ZNF514: variants seen among roughly 807,000 people sequenced by gnomAD.
ZNF514 encodes zinc finger protein 514.
Under a neutral mutation model 9.7 loss-of-function variants are expected in ZNF514, and 12 were observed. That is an observed-to-expected ratio of 1.24 (90% confidence interval 0.79 to 2.01). The LOEUF is 2.01. ZNF514 is among the 30% of genes most tolerant of loss of function. The probability of loss-of-function intolerance (pLI) is 0.00; values close to 1 mark genes in which losing one functional copy is unlikely to be tolerated. For missense variants in ZNF514, 467 were observed against 465.5 expected (o/e 1.00, Z -0.03); for synonymous variants, 158 against 163.7 (o/e 0.97, Z 0.27).
chr2:95,155,302 G>C (rs553683887), intron 2 of ZNF514: 1 of 152,386 alleles, frequency 6.6e-6, no homozygotes, highest in African/African-American at 2.4e-5. Context: ...GCTCCACCCA[G>C]GGAGCAGAAC....
At chr2:95,134,029 A>C in the ZNF514 span, among the ~76,000 whole-genome samples, 2 of 152,206 alleles carry the variant, frequency 1.3e-5, no homozygotes, top group African/African-American at 2.4e-5. Flanking sequence ...TAAAAATTTT[A>C]ATGTAACAAG....
the ZNF514 span, among the ~76,000 whole-genome samples, chr2:95,131,682 C>T: frequency 3.9e-5 from 6 of 152,162 alleles, no homozygotes; most frequent in African/African-American, 1.4e-4. Context: ...GAGGCCAAAG[C>T]AATTCAGTGA....
In ZNF514 at chr2:95,150,055, C is replaced by G. The variant is rs1673491308; in HGVS notation, c.430G>C (p.Ala144Pro). 1 of 1,613,914 alleles carries G rather than the reference C, an allele frequency of 6.2e-7. No homozygotes were observed. The highest frequency in any genetic ancestry group is 2.2e-5 in the East Asian group (1 of 44,902). The change falls in exon 5 of 5, where the codon GCC becomes CCC. Residue 144 changes from alanine (A) to proline (P), a missense_variant. By Grantham distance (27) the Ala-to-Pro change is conservative. Coordinates refer to ENST00000295208, the MANE Select transcript of ZNF514 (RefSeq NM_032788.3). ...LKQMSTIHKS[A>P]TTLSRDYKWN... ...TTATAATCTCTGCTAAGGGTGGTGG[C>G]AGATTTGTGAATGGTTGACATTTGT... is the stretch of plus-strand genomic sequence containing the variant.
the ZNF514 span, among the ~76,000 whole-genome samples, chr2:95,137,359 T>A: frequency 6.6e-6 from 1 of 152,206 alleles, no homozygotes; most frequent in Admixed American, 6.5e-5. Context: ...AAAATGGCCA[T>A]GTGGTTGTGC....
the ZNF514 span, among the ~76,000 whole-genome samples, chr2:95,129,025 T>C: frequency 6.6e-6 from 1 of 152,238 alleles, no homozygotes; most frequent in Non-Finnish European, 1.5e-5. Flanking sequence ...TATTTCAGTT[T>C]CCTCTGGTAT....
At position 95,145,030 on chromosome 2, in the gene ZNF514, T is replaced by C. The variant is rs190987640; in HGVS notation, c.*4252A>G. On this transcript the variant is annotated 3_prime_UTR_variant, in exon 5 of 5. Transcript: ENST00000295208. ...TTTTTCTAAAGAAATATTTAATTGG[T>C]AGTCTTCTAGAAAGAAGGCTTTTCA... is the stretch of plus-strand genomic sequence containing the variant. Among the ~76,000 whole-genome samples the C allele has an allele frequency of 6.6e-6, 1 of 152,332 alleles. No homozygotes were observed. Among genetic ancestry groups the C allele is most frequent in the East Asian group, 1.9e-4 (1 of 5,188 alleles).
In ZNF514 at chr2:95,150,084, AG is replaced by A; in HGVS notation, c.400del (p.Leu134Ter). On this transcript the variant is annotated frameshift_variant, in exon 5 of 5. Coordinates refer to ENST00000295208, the MANE Select transcript of ZNF514 (RefSeq NM_032788.3). LOFTEE classifies it low-confidence loss of function (END_TRUNC). ...EMQQIKQERH[L>X]KQMSTIHKSA... Reference sequence around the variant, plus strand: ...TTTGTGAATGGTTGACATTTGTTTCAGGTGTCTCTCCTGTTTTATCTGCTGC... The same window carrying A: ...TTTGTGAATGGTTGACATTTGTTTCAGTGTCTCTCCTGTTTTATCTGCTGC... 1.2e-6 allele frequency: 2 copies of A among 1,613,722 alleles called. No homozygotes were observed. The highest frequency in any genetic ancestry group is 1.7e-6 in the Non-Finnish European group (2 of 1,180,018).
intron 2 of ZNF514, among the ~76,000 whole-genome samples, chr2:95,156,845 G>A (rs758846759): frequency 6.6e-6 from 1 of 151,968 alleles, no homozygotes; most frequent in East Asian, 1.9e-4. Flanking sequence ...ATCTGAACAG[G>A]GACCCAGCTT....
At chr2:95,157,821 C>T (rs1050910655) in intron 1 of ZNF514, among the ~76,000 whole-genome samples, 1 of 152,168 alleles carries the variant, frequency 6.6e-6, no homozygotes, top group Non-Finnish European at 1.5e-5. Flanking sequence ...AACAATTACA[C>T]AAGACCCAAG....
chr2:95,151,313 A>T (rs889646266), intron 4 of ZNF514, among the ~76,000 whole-genome samples: 1 of 152,226 alleles, frequency 6.6e-6, no homozygotes, highest in Non-Finnish European at 1.5e-5. Context: ...GGCTTTGAAG[A>T]TGGACGAGGG....
the ZNF514 span, among the ~76,000 whole-genome samples, chr2:95,129,639 C>T: frequency 3.3e-5 from 5 of 152,112 alleles, no homozygotes; most frequent in Admixed American, 3.3e-4. Context: ...CTCCCGTTGC[C>T]CTCATCTCAG....
the ZNF514 span, among the ~76,000 whole-genome samples, chr2:95,135,922 T>G: frequency 6.6e-6 from 1 of 151,406 alleles, no homozygotes; most frequent in Admixed American, 6.6e-5. Flanking sequence ...ATACAAAAAT[T>G]AGCCATGCGT....
At chr2:95,144,321 A>C (rs1423441403), downstream of ZNF514, among the ~76,000 whole-genome samples, 2 of 152,222 alleles carry the variant, frequency 1.3e-5, no homozygotes, top group Non-Finnish European at 1.5e-5. Context: ...TGCCAGAAAT[A>C]CCAAGCATGT....
the ZNF514 span, among the ~76,000 whole-genome samples, chr2:95,129,081 T>A: frequency 6.6e-6 from 1 of 152,216 alleles, no homozygotes; most frequent in Admixed American, 6.5e-5. Flanking sequence ...AAGAAAACTG[T>A]TGGTGACATT....
At chr2:95,127,283 T>A in the ZNF514 span, among the ~76,000 whole-genome samples, 1 of 152,322 alleles carries the variant, frequency 6.6e-6, no homozygotes, top group African/African-American at 2.4e-5. Flanking sequence ...TGAGGAGACA[T>A]GACTCCCTCT....
rs1313969106 is a variant in ZNF514, at chr2:95,147,640, T to G, written c.*1642A>C. The G allele has an allele frequency of 1.4e-5, 2 of 147,578 alleles. No individual in the cohort carries two copies. The highest frequency in any genetic ancestry group is 3.0e-5 in the Non-Finnish European group (2 of 67,138). The allele number at this position is 147,578 out of a possible 1,614,324, so 9.1% of individuals were successfully genotyped here. On this transcript the variant is annotated 3_prime_UTR_variant, in exon 5 of 5. Coordinates refer to ENST00000295208, the MANE Select transcript of ZNF514 (RefSeq NM_032788.3). ...TGCATAATACCCATATTTTAGTTGTTTTTTTTTTTTTTTTCTGAGACGGAG... is the reference window on the plus strand; with the variant it reads ...TGCATAATACCCATATTTTAGTTGTGTTTTTTTTTTTTTTCTGAGACGGAG...
rs915270713 is a variant in ZNF514, at chr2:95,159,348, C to T, written c.-204G>A. The T allele has an allele frequency of 1.9e-4, 31 of 163,450 alleles. No homozygotes were observed. Among genetic ancestry groups the T allele is most frequent in the South Asian group, 3.1e-4 (2 of 6,412 alleles). 10.1% of individuals were successfully genotyped at this position (163,450 alleles called of 1,614,324 possible). ...GGAGACACGGCCACAGCCACGCCCG[C>T]GACGCGAGGGCCCAGCGCTCTTCAG... On this transcript the variant is annotated 5_prime_UTR_variant, in exon 1 of 5. Transcript: ENST00000295208.
At chr2:95,136,097 ATAT>A in the ZNF514 span, among the ~76,000 whole-genome samples, 1 of 152,134 alleles carries the variant, frequency 6.6e-6, no homozygotes, top group African/African-American at 2.4e-5. Flanking sequence ...AAGTAAATAA[ATAT>A]TATTCATTTT....
chr2:95,152,043 C>A (rs1673559329), intron 4 of ZNF514, among the ~76,000 whole-genome samples: 1 of 152,166 alleles, frequency 6.6e-6, no homozygotes, highest in African/African-American at 2.4e-5. Context: ...CTGTCACGTG[C>A]CTCCAGTGTG....
Sources: gnomAD v4.1 joint callset for allele counts (sites outside exome capture counted in the v4.1 genomes callset) on GRCh38, gnomAD v4.1.1 for gene constraint, MANE v1.5 for transcripts, NCBI Gene and HGNC (gene_info 2026-07-23, HGNC 2026-07-21) for gene names.